ABHD2: variants seen among roughly 807,000 people sequenced by gnomAD.
ABHD2 encodes the protein monoacylglycerol lipase ABHD2.
ABHD2 carries 20 observed loss-of-function variants against 48.1 expected under a neutral mutation model. The observed-to-expected ratio is 0.42, with a 90% confidence interval of 0.29 to 0.60. The LOEUF (loss-of-function observed/expected upper bound fraction) is 0.60, where lower values mean the gene tolerates loss of function less well. Ranked by LOEUF, ABHD2 falls within the 20% of genes least tolerant of loss-of-function variation. The probability of loss-of-function intolerance (pLI) is 0.24; values close to 1 mark genes in which losing one functional copy is unlikely to be tolerated. For missense variants in ABHD2, 405 were observed against 550.9 expected (o/e 0.74, Z 2.65); for synonymous variants, 209 against 214.2 (o/e 0.98, Z 0.21).
At chr15:89,124,716 G>A (rs2050105060) in intron 3 of ABHD2, among the ~76,000 whole-genome samples, 1 of 152,198 alleles carries the variant, frequency 6.6e-6, no homozygotes, top group African/African-American at 2.4e-5. Context: ...CACTTTGGGA[G>A]GCTGAGGTGG....
At chr15:89,056,566 C>T in the ABHD2 span, among the ~76,000 whole-genome samples, 1 of 152,084 alleles carries the variant, frequency 6.6e-6, no homozygotes, top group Non-Finnish European at 1.5e-5. Context: ...TGACGTGAAC[C>T]CGGGAGGTGG....
At position 89,173,295 on chromosome 15, in the gene ABHD2, C is replaced by T. The variant is rs2150924281; in HGVS notation, c.539-2517C>T. The stretch of plus-strand genomic sequence containing the variant: ...ACCTTCTTAAAAAGAGAAACTTGGC[C>T]AGGGCAGTGGCTCATGCCTGTAATC... On this transcript the variant is annotated intron_variant, in intron 5 of 10. Transcript: ENST00000352732. This position sits in a 1 kb window ranked among gnomAD's most constrained non-coding sequence, Gnocchi z 6.5. 6.6e-6 allele frequency among the ~76,000 whole-genome samples: 1 copy of T among 152,256 alleles called. No homozygotes were observed. Among genetic ancestry groups the T allele is most frequent in the East Asian group, 1.9e-4 (1 of 5,178 alleles).
chr15:89,054,157 A>G, the ABHD2 span, among the ~76,000 whole-genome samples: 1 of 152,114 alleles, frequency 6.6e-6, no homozygotes, highest in Admixed American at 6.5e-5. Flanking sequence ...CCCCGTCTCT[A>G]CTAAAAATAC....
chr15:89,186,032 TC>T lies in ABHD2; in HGVS notation c.815+519del, dbSNP rs2051202931. ...CCAAATTGCCTTATGCTTTTATAAT[TC>T]CCAGTAAATCTAAGACAATGAACCA... is the stretch of plus-strand genomic sequence containing the variant. On this transcript the variant is annotated intron_variant, in intron 7 of 10. Transcript: ENST00000352732. This position sits in a 1 kb window ranked among gnomAD's most constrained non-coding sequence, Gnocchi z 4.3. 6.6e-6 allele frequency among the ~76,000 whole-genome samples: 1 copy of T among 152,284 alleles called. No individual in the cohort carries two copies. Among genetic ancestry groups the T allele is most frequent in the East Asian group, 1.9e-4 (1 of 5,182 alleles).
chr15:89,110,526 A>G (rs1192884350), intron 1 of ABHD2, among the ~76,000 whole-genome samples: 1 of 152,024 alleles, frequency 6.6e-6, no homozygotes, highest in Non-Finnish European at 1.5e-5. Context: ...CTAAGCTTCT[A>G]AAGTACAGAT....
At chr15:89,127,739 A>ATATATATG in intron 3 of ABHD2, among the ~76,000 whole-genome samples, 1 of 139,228 alleles carries the variant, frequency 7.2e-6, no homozygotes, top group African/African-American at 2.7e-5. Flanking sequence ...ATATATATAT[A>ATATATATG]TGTATATTTT....
At chr15:89,105,949 T>A (rs2049777719) in intron 1 of ABHD2, among the ~76,000 whole-genome samples, 1 of 151,854 alleles carries the variant, frequency 6.6e-6, no homozygotes, top group African/African-American at 2.4e-5. Flanking sequence ...CAATCCACCC[T>A]CCTTGGCCTC....
intron 3 of ABHD2, among the ~76,000 whole-genome samples, chr15:89,147,498 T>G (rs1354207747): frequency 6.6e-6 from 1 of 151,166 alleles, no homozygotes. Flanking sequence ...GGATTACAGG[T>G]GCCCGCCACC....
At position 89,151,450 on chromosome 15, in the gene ABHD2, A is replaced by G. The variant is rs776899004; in HGVS notation, c.195-227A>G. ...CCCTAAATTGAAATCCTCTTTATATATATGTCCTGGTTGATTTCTAAAGCT... is the reference window on the plus strand; with the variant it reads ...CCCTAAATTGAAATCCTCTTTATATGTATGTCCTGGTTGATTTCTAAAGCT... On this transcript the variant is annotated intron_variant, in intron 3 of 10. Coordinates refer to ENST00000352732, the MANE Select transcript of ABHD2 (RefSeq NM_152924.5). This position sits in a 1 kb window ranked among gnomAD's most constrained non-coding sequence, Gnocchi z 4.7. Among the ~76,000 whole-genome samples the G allele has an allele frequency of 3.9e-5, 6 of 152,196 alleles. No individual in the cohort carries two copies. Among genetic ancestry groups the G allele is most frequent in the Non-Finnish European group, 7.3e-5 (5 of 68,030 alleles).
rs2050975730 is a variant in ABHD2, at chr15:89,174,299, T to C, written c.539-1513T>C. Among the ~76,000 whole-genome samples, 2 of 152,202 alleles carry C rather than the reference T, an allele frequency of 1.3e-5. No individual in the cohort carries two copies. Among genetic ancestry groups the C allele is most frequent in the Admixed American group, 1.3e-4 (2 of 15,280 alleles). Reference sequence around the variant, plus strand: ...GAAACTTACCTTTCACTCCATCTTTTACAGCATTTGAATTTTCTACCATGG... The same window carrying C: ...GAAACTTACCTTTCACTCCATCTTTCACAGCATTTGAATTTTCTACCATGG... On this transcript the variant is annotated intron_variant, in intron 5 of 10. Coordinates refer to ENST00000352732, the MANE Select transcript of ABHD2 (RefSeq NM_152924.5). The surrounding 1 kb of genome is among the most constrained non-coding windows in gnomAD (Gnocchi z 4.1).
intron 6 of ABHD2, among the ~76,000 whole-genome samples, chr15:89,178,352 G>C (rs1324786093): frequency 6.6e-6 from 1 of 152,106 alleles, no homozygotes; most frequent in Non-Finnish European, 1.5e-5. Flanking sequence ...TCCTGCCAAG[G>C]CTTGAGGGCG....
the ABHD2 span, among the ~76,000 whole-genome samples, chr15:89,053,738 A>G: frequency 6.6e-6 from 1 of 152,240 alleles, no homozygotes; most frequent in Non-Finnish European, 1.5e-5. Flanking sequence ...AGCCAAGGCA[A>G]AAATGGGCAA....
intron 3 of ABHD2, among the ~76,000 whole-genome samples, chr15:89,135,316 C>T (rs1167532822): frequency 6.6e-6 from 1 of 151,634 alleles, no homozygotes; most frequent in African/African-American, 2.4e-5. Context: ...GTTTACAATC[C>T]CCATACTGTA....
In ABHD2 at chr15:89,177,616, G is replaced by C. The variant is rs1022290143; in HGVS notation, c.722+1621G>C. ...AGCTGCTCTCGCGTTCCAGGACCAG[G>C]CTAGTCCCCCATCTTCCTACCAGGA... On this transcript the variant is annotated intron_variant, in intron 6 of 10. Transcript: ENST00000352732. This position sits in a 1 kb window ranked among gnomAD's most constrained non-coding sequence, Gnocchi z 5.6. 6.6e-6 allele frequency among the ~76,000 whole-genome samples: 1 copy of C among 152,100 alleles called. No individual in the cohort carries two copies. Among genetic ancestry groups the C allele is most frequent in the African/African-American group, 2.4e-5 (1 of 41,412 alleles).
At chr15:89,074,263 C>T in the ABHD2 span, among the ~76,000 whole-genome samples, 3 of 152,078 alleles carry the variant, frequency 2.0e-5, no homozygotes, top group South Asian at 6.2e-4. Context: ...GTAATCCCAG[C>T]TACTCCGGAG....
At chr15:89,041,432 C>T in the ABHD2 span, 2 of 152,314 alleles carry the variant, frequency 1.3e-5, no homozygotes, top group East Asian at 3.8e-4. Context: ...TGTAACAATT[C>T]TGTCTCCACC....
intron 4 of ABHD2, among the ~76,000 whole-genome samples, chr15:89,154,472 T>C (rs1215607589): frequency 6.6e-6 from 1 of 152,216 alleles, no homozygotes; most frequent in Non-Finnish European, 1.5e-5. Flanking sequence ...CACAAGGTAC[T>C]AACAGTATAC....
At chr15:89,042,058 G>A in the ABHD2 span, among the ~76,000 whole-genome samples, 8 of 152,124 alleles carry the variant, frequency 5.3e-5, no homozygotes, top group African/African-American at 1.7e-4. Context: ...ACTATGTGCC[G>A]AGCACTCATC....
Position 89,188,327 on chromosome 15 carries a change from G to A in ABHD2, c.926+24G>A. 1.2e-6 allele frequency: 2 copies of A among 1,607,600 alleles called. No individual in the cohort carries two copies. Among genetic ancestry groups the A allele is most frequent in the Non-Finnish European group, 1.7e-6 (2 of 1,174,740 alleles). On this transcript the variant is annotated intron_variant, in intron 8 of 10. Coordinates refer to ENST00000352732, the MANE Select transcript of ABHD2 (RefSeq NM_152924.5). This position sits in a 1 kb window ranked among gnomAD's most constrained non-coding sequence, Gnocchi z 4.1. Reference sequence around the variant, plus strand: ...AGGTGTGTCCGCGCAGGCGGGAGAGGGACGCTCTGGGGCAGGGTGCCAGGC... The same window carrying A: ...AGGTGTGTCCGCGCAGGCGGGAGAGAGACGCTCTGGGGCAGGGTGCCAGGC...
Sources: allele counts gnomAD v4.1 joint callset (sites outside exome capture counted in the v4.1 genomes callset), GRCh38; gene constraint gnomAD v4.1.1; non-coding constraint Gnocchi (gnomAD v3.1); transcripts MANE v1.5; gene names NCBI Gene and HGNC (gene_info 2026-07-23, HGNC 2026-07-21).